SLC45A4: variants seen among roughly 807,000 people sequenced by gnomAD.
SLC45A4 encodes the protein polyamine-transporter SLC45A4.
SLC45A4 carries 32 observed loss-of-function variants against 63.7 expected under a neutral mutation model. The observed-to-expected ratio is 0.50, with a 90% CI of 0.38 to 0.67. SLC45A4 has a LOEUF of 0.67. Among genes scored for constraint, SLC45A4 ranks in the 30% least tolerant of loss-of-function variants. The probability of loss-of-function intolerance (pLI) is 0.00; values close to 1 mark genes in which losing one functional copy is unlikely to be tolerated. For missense variants in SLC45A4, 1,027 were observed against 1,157.7 expected, an observed-to-expected ratio of 0.89 and a Z score of 1.64; for synonymous variants, 535 against 510.0, an observed-to-expected ratio of 1.05 and a Z score of -0.66.
Position 141,219,046 on chromosome 8 carries a change from A to G in SLC45A4, c.611-17T>C, listed in dbSNP as rs3739235. 0.61 allele frequency: 972,562 copies of G among 1,595,740 alleles called. 300,170 individuals are homozygous for G. The highest frequency in any genetic ancestry group is 0.83 in the East Asian group (36,887 of 44,532). On this transcript the variant is annotated splice_polypyrimidine_tract_variant and intron_variant, in intron 4 of 8. Transcript: ENST00000517878. The stretch of plus-strand genomic sequence containing the variant: ...CGCCGAGGCCTGCGTGGGAGGAAGC[A>G]GCAGCCGGTGAGCCGGTGGCACCAG...
chr8:141,218,651 A>G lies in SLC45A4; in HGVS notation c.989T>C (p.Ile330Thr). Reference sequence around the variant, plus strand: ...GGCGTCGTGGAAGATGGAGGGCTCGATGTCGTGCAGGAACAGCAGCTCGGG... The same window carrying G: ...GGCGTCGTGGAAGATGGAGGGCTCGGTGTCGTGCAGGAACAGCAGCTCGGG... ...LEPELLFLHD[I>T]EPSIFHDASY... The change falls in exon 5 of 9, where the codon ATC (isoleucine) becomes ACC (threonine). Residue 330 changes from isoleucine (I) to threonine (T), a missense_variant. Transcript: ENST00000517878. The G allele has an allele frequency of 6.2e-7, 1 of 1,613,242 alleles. No homozygotes were observed. Among genetic ancestry groups the G allele is most frequent in the Non-Finnish European group, 8.5e-7 (1 of 1,179,894 alleles).
rs1477852196 is a variant in SLC45A4 at position 141,262,692 on chromosome 8, A to G, written c.-400-8063T>C. Among the ~76,000 whole-genome samples the G allele has an allele frequency of 3.6e-3, 540 of 152,096 alleles. 1 individual carries two copies. The highest frequency in any genetic ancestry group is 0.024 in the Middle Eastern group (7 of 294). Reference sequence around the variant, plus strand: ...ACCATCTCACACCAGTTAGAATGGCAATCATTAAAAAGTCAGAAACAACAG... The same window carrying G: ...ACCATCTCACACCAGTTAGAATGGCGATCATTAAAAAGTCAGAAACAACAG... On this transcript the variant is annotated intron_variant, in intron 1 of 8. Transcript: ENST00000517878.
chr8:141,221,391 T>C (rs1220624333), intron 3 of SLC45A4, among the ~76,000 whole-genome samples, 186 bp downstream of exon 3: 2 of 152,254 alleles, frequency 1.3e-5, no homozygotes, highest in Non-Finnish European at 2.9e-5. Context: ...CCTCCGGCTT[T>C]CCCACATGGG....
intron 2 of SLC45A4, among the ~76,000 whole-genome samples, chr8:141,240,747 CAAAT>C (rs1827869022): frequency 6.6e-6 from 1 of 152,166 alleles, no homozygotes; most frequent in Non-Finnish European, 1.5e-5. Context: ...CCCTGTCTCA[CAAAT>C]AAATAAGTAA....
chr8:141,215,980 G>T lies in SLC45A4; in HGVS notation c.1730-10C>A. ...TACTTCTGTAACAGGGCTGCAGAGA[G>T]GGGCACAGGGACAAGGACAGTGGGC... On this transcript the variant is annotated splice_polypyrimidine_tract_variant and intron_variant, in intron 6 of 8. Transcript: ENST00000517878. The surrounding 1 kb of genome is among the most constrained non-coding windows in gnomAD (Gnocchi z 4.3). 1 of 1,611,294 alleles carries T rather than the reference G, an allele frequency of 6.2e-7. No individual in the cohort carries two copies. The highest frequency in any genetic ancestry group is 1.7e-4 in the Middle Eastern group (1 of 6,048).
At chr8:141,290,459 G>A (rs954447074) in intron 1 of SLC45A4, among the ~76,000 whole-genome samples, 1 of 152,178 alleles carries the variant, frequency 6.6e-6, no homozygotes, top group Admixed American at 6.5e-5. Flanking sequence ...TTGACTTTCC[G>A]TGGTGCTCAC....
At position 141,218,219 on chromosome 8, in the gene SLC45A4, C is replaced by T. The variant is rs1826302992; in HGVS notation, c.1421G>A (p.Ser474Asn). 6.2e-6 allele frequency: 10 copies of T among 1,602,490 alleles called. No individual in the cohort carries two copies. Among genetic ancestry groups the T allele is most frequent in the South Asian group, 1.1e-5 (1 of 91,058 alleles). The change falls in exon 5 of 9, where the codon AGC becomes AAC. Residue 474 changes from serine (S) to asparagine (N), a missense_variant. Physicochemically the swap from Ser to Asn is conservative, Grantham distance 46. Coordinates refer to ENST00000517878, the MANE Select transcript of SLC45A4 (RefSeq NM_001286646.2). ...GTCCCCGCTGGAGGTGGTGGCCCCG[C>T]TCTGGTTCCGGTGCCGGTGCTGCCG... ...RQRQHRHRNQ[S>N]GATTSSGDTE...
At chr8:141,216,547 C>G (rs773575263) in intron 6 of SLC45A4, among the ~76,000 whole-genome samples, 4 of 152,234 alleles carry the variant, frequency 2.6e-5, no homozygotes, top group Non-Finnish European at 5.9e-5. Flanking sequence ...CTTCGGCCAT[C>G]CTCACATCTG....
At chr8:141,211,875 T>TA (rs1460303658) in intron 8 of SLC45A4, 178 bp from the exon 9 acceptor site, 22 of 1,261,256 alleles carry the variant, frequency 1.7e-5, no homozygotes, top group Non-Finnish European at 2.2e-5. Context: ...TTATATCATT[T>TA]AAAAACATGC....
In SLC45A4 at chr8:141,218,083, C is replaced by A; in HGVS notation, c.1557G>T (p.Trp519Cys). ...MRLCLCHLLT[W>C]FSVIAEAVFY... The stretch of plus-strand genomic sequence containing the variant: ...ACACGGCCTCGGCGATGACAGAGAA[C>A]CAGGTGAGGAGGTGGCAGAGGCACA... The change falls in exon 5 of 9, where the codon TGG (tryptophan) becomes TGT (cysteine). Residue 519 changes from tryptophan to cysteine, a missense_variant. By Grantham distance (215) the Trp-to-Cys change is radical. Coordinates refer to ENST00000517878, the MANE Select transcript of SLC45A4 (RefSeq NM_001286646.2). The A allele has an allele frequency of 6.2e-7, 1 of 1,611,432 alleles. No individual in the cohort carries two copies. Among genetic ancestry groups the A allele is most frequent in the Non-Finnish European group, 8.5e-7 (1 of 1,179,294 alleles).
Position 141,207,266 on chromosome 8 carries a change from C to T in SLC45A4, c.*4306G>A, listed in dbSNP as rs1299162924. 1.3e-5 allele frequency: 2 copies of T among 152,398 alleles called. No homozygotes were observed. Among genetic ancestry groups the T allele is most frequent in the Admixed American group, 6.5e-5 (1 of 15,292 alleles). 9.4% of individuals were successfully genotyped at this position (152,398 alleles called of 1,614,324 possible). A position where few individuals can be genotyped will look rare whatever the true frequency, so the allele number is the denominator to read the frequency against. ...GCATGGAGGAAATCAGGGCGCCGCA[C>T]AGCTGAACCCTGCGCAGGACAGAGG... On this transcript the variant is annotated 3_prime_UTR_variant, in exon 9 of 9. Coordinates refer to ENST00000517878, the MANE Select transcript of SLC45A4 (RefSeq NM_001286646.2).
intron 2 of SLC45A4, chr8:141,228,170 C>T: frequency 1.2e-6 from 2 of 1,613,948 alleles, no homozygotes; most frequent in Admixed American, 3.3e-5. Flanking sequence ...TGAAATTGAG[C>T]ATTCTAACCT....
At chr8:141,279,310 G>A (rs935854213) in intron 1 of SLC45A4, among the ~76,000 whole-genome samples, 7 of 152,254 alleles carry the variant, frequency 4.6e-5, no homozygotes, top group African/African-American at 1.7e-4. Context: ...AGGGGAGCCA[G>A]GACAAGTCTG....
chr8:141,229,626 C>T lies in SLC45A4; in HGVS notation c.242-7861G>A, dbSNP rs376915766. Among the ~76,000 whole-genome samples the T allele has an allele frequency of 3.4e-4, 52 of 152,158 alleles. No individual in the cohort carries two copies. Among genetic ancestry groups the T allele is most frequent in the Non-Finnish European group, 6.0e-4 (41 of 68,014 alleles). On this transcript the variant is annotated intron_variant, in intron 2 of 8. Transcript: ENST00000517878. The surrounding 1 kb of genome is among the most constrained non-coding windows in gnomAD (Gnocchi z 5.0). ...GGCAGGTGACGGCACCCGCAGACCA[C>T]GGCCTGCACCCATGGCAGAGACCCT...
intron 2 of SLC45A4, among the ~76,000 whole-genome samples, chr8:141,244,041 C>T (rs1376619035): frequency 2.0e-5 from 3 of 152,090 alleles, no homozygotes; most frequent in African/African-American, 7.2e-5. Flanking sequence ...AGTTGGCACC[C>T]CTAACCTGAG....
At chr8:141,306,865 T>C (rs905505640) in intron 1 of SLC45A4, among the ~76,000 whole-genome samples, 4 of 152,146 alleles carry the variant, frequency 2.6e-5, no homozygotes, top group Non-Finnish European at 5.9e-5. Context: ...CCACAACAAT[T>C]AGTTCAATCA....
chr8:141,213,634 A>T (rs1825966033), intron 7 of SLC45A4, among the ~76,000 whole-genome samples: 1 of 152,278 alleles, frequency 6.6e-6, no homozygotes, highest in African/African-American at 2.4e-5. Flanking sequence ...CTAAGAAATG[A>T]GCAACAGCAA....
chr8:141,290,801 G>T (rs1007611678), intron 1 of SLC45A4, among the ~76,000 whole-genome samples: 23 of 152,220 alleles, frequency 1.5e-4, no homozygotes, highest in African/African-American at 4.3e-4. Flanking sequence ...GTGGCGGGGG[G>T]GCCTGGGGAG....
At chr8:141,306,172 C>A (rs549635345) in intron 1 of SLC45A4, among the ~76,000 whole-genome samples, 4 of 152,230 alleles carry the variant, frequency 2.6e-5, no homozygotes, top group Admixed American at 6.5e-5. Flanking sequence ...CCACTCCCCC[C>A]ACGAGGCCCG....
Sources: allele counts gnomAD v4.1 joint callset (sites outside exome capture counted in the v4.1 genomes callset), GRCh38; gene constraint gnomAD v4.1.1; non-coding constraint Gnocchi (gnomAD v3.1); transcripts MANE v1.5; gene names NCBI Gene and HGNC (gene_info 2026-07-23, HGNC 2026-07-21).